Variants in PPP1R7 observed in about 807,000 individuals in gnomAD.
PPP1R7 encodes protein phosphatase 1 regulatory subunit 7.
A neutral mutation model predicts 45.2 loss-of-function variants in PPP1R7; 18 were observed. The ratio of observed to expected loss-of-function variants is 0.40; its 90% CI spans 0.28 to 0.59. The LOEUF (loss-of-function observed/expected upper bound fraction) is 0.59. PPP1R7 is among the 20% of genes least tolerant of loss of function. The probability of loss-of-function intolerance (pLI) is 0.46; values close to 1 mark genes in which losing one functional copy is unlikely to be tolerated. For missense variants in PPP1R7, 314 were observed against 455.8 expected (o/e 0.69, Z 2.83); for synonymous variants, 181 against 183.4 (o/e 0.99, Z 0.11).
chr2:241,183,063 A>G lies in PPP1R7; in HGVS notation c.*240A>G, dbSNP rs2068034449. ...GTTGACAGTTATTGTAGCCACAGAG[A>G]GAACATAAGACACGTTGCGTTCATT... On this transcript the variant is annotated 3_prime_UTR_variant, in exon 10 of 10. Coordinates refer to ENST00000234038, the MANE Select transcript of PPP1R7 (RefSeq NM_002712.3). The G allele has an allele frequency of 3.6e-6, 2 of 563,264 alleles. No individual in the cohort carries two copies. Among genetic ancestry groups the G allele is most frequent in the Admixed American group, 3.1e-5 (1 of 32,496 alleles). 34.9% of individuals were successfully genotyped at this position (563,264 alleles called of 1,614,324 possible). A position where few individuals can be genotyped will look rare whatever the true frequency, so the allele number is the denominator to read the frequency against.
At position 241,153,672 on chromosome 2, in the gene PPP1R7, G is replaced by A. The variant is rs1209837825; in HGVS notation, c.181+68G>A. 4 of 1,574,922 alleles carry A rather than the reference G, an allele frequency of 2.5e-6. No homozygotes were observed. The Admixed American group carries it at 5.2e-5, about 21-fold the overall frequency. ...ATGTGGGCTGTGCTGCACGTGGTCT[G>A]GCCCTGGGTGTGGGTGCTGTGTCGG... On this transcript the variant is annotated intron_variant, in intron 2 of 9. Transcript: ENST00000234038.
At chr2:241,154,285 T>G (rs577647204) in intron 2 of PPP1R7, among the ~76,000 whole-genome samples, 2 of 151,966 alleles carry the variant, frequency 1.3e-5, no homozygotes, top group South Asian at 4.2e-4. Flanking sequence ...TATGGCTGAC[T>G]GCTGTGTTTC....
chr2:241,158,940 C>G, intron 4 of PPP1R7: 1 of 451,714 alleles, frequency 2.2e-6, no homozygotes, highest in Non-Finnish European at 4.1e-6. Context: ...ACACCCCAGG[C>G]CAACGCCTCC....
intron 8 of PPP1R7, among the ~76,000 whole-genome samples, chr2:241,168,410 G>A (rs1025104215): frequency 2.0e-5 from 3 of 152,206 alleles, no homozygotes; most frequent in Admixed American, 6.5e-5. Flanking sequence ...ATGACCATGA[G>A]CATCTCAGAA....
upstream of PPP1R7, chr2:241,150,264 C>A: frequency 7.7e-7 from 1 of 1,292,714 alleles, no homozygotes; most frequent in Non-Finnish European, 9.8e-7. Context: ...CCCAGCTTCT[C>A]GCCTCCAGAC....
intron 8 of PPP1R7, among the ~76,000 whole-genome samples, chr2:241,166,803 C>G (rs913420258): frequency 6.6e-6 from 1 of 152,196 alleles, no homozygotes; most frequent in Admixed American, 6.5e-5. Flanking sequence ...CCAACCTGCT[C>G]GTAAAGGGCC....
chr2:241,167,867 T>C (rs554275046), intron 8 of PPP1R7, among the ~76,000 whole-genome samples: 1 of 152,352 alleles, frequency 6.6e-6, no homozygotes, highest in Non-Finnish European at 1.5e-5. Context: ...AAATATTTTC[T>C]CCTAAGTTTT....
upstream of PPP1R7, chr2:241,150,132 C>A: frequency 7.9e-7 from 1 of 1,265,260 alleles, no homozygotes; most frequent in Non-Finnish European, 1.0e-6. Context: ...CCTCCGAGGT[C>A]GAGACAGTGA....
At chr2:241,163,140 T>C in intron 6 of PPP1R7, 145 bp from the exon 7 acceptor site, 1 of 643,050 alleles carries the variant, frequency 1.6e-6, no homozygotes, top group Non-Finnish European at 2.8e-6. Flanking sequence ...AAGTAGGATT[T>C]CCACTGGAAG....
In PPP1R7 at chr2:241,162,464, G is replaced by A. The variant is rs2067615186; in HGVS notation, c.598-821G>A. 2.0e-5 allele frequency among the ~76,000 whole-genome samples: 3 copies of A among 152,126 alleles called. No individual in the cohort carries two copies. The South Asian group carries it at 6.2e-4, about 32-fold the overall frequency. On this transcript the variant is annotated intron_variant, in intron 6 of 9. Coordinates refer to ENST00000234038, the MANE Select transcript of PPP1R7 (RefSeq NM_002712.3). ...AAGTCACCATGGGGAGACCAGACAG[G>A]GCAGCGTGGTCACTGCCTCTGGAGG...
chr2:241,183,039 T>C lies in PPP1R7; in HGVS notation c.*216T>C. The C allele has an allele frequency of 3.4e-6, 2 of 587,010 alleles. No individual in the cohort carries two copies. The highest frequency in any genetic ancestry group is 6.0e-6 in the Non-Finnish European group (2 of 330,870). The allele number at this position is 587,010 out of a possible 1,614,324, so 36.4% of individuals were successfully genotyped here. ...GCCACACTGTCCTCCTGGGTGATTG[T>C]TGACAGTTATTGTAGCCACAGAGAG... is the stretch of plus-strand genomic sequence containing the variant. On this transcript the variant is annotated 3_prime_UTR_variant, in exon 10 of 10. Coordinates refer to ENST00000234038, the MANE Select transcript of PPP1R7 (RefSeq NM_002712.3).
intron 2 of PPP1R7, among the ~76,000 whole-genome samples, chr2:241,155,953 T>G (rs2067447686): frequency 6.6e-6 from 1 of 152,252 alleles, no homozygotes; most frequent in Non-Finnish European, 1.5e-5. Flanking sequence ...CAGTTGTGGA[T>G]AAACTATAGT....
chr2:241,159,437 G>A (rs2067535145), intron 5 of PPP1R7, 94 bp downstream of exon 5: 1 of 1,481,034 alleles, frequency 6.8e-7, no homozygotes, highest in African/African-American at 1.4e-5. Context: ...CTGGCTCTTA[G>A]CCCTTGAGAG....
At chr2:241,167,187 T>C (rs1465207792) in intron 8 of PPP1R7, 1 of 1,055,980 alleles carries the variant, frequency 9.5e-7, no homozygotes, top group African/African-American at 1.6e-5. Context: ...TTACTTGTTT[T>C]TTTCTGTTTT....
Position 241,182,729 on chromosome 2 carries a change from G to T in PPP1R7, c.989G>T (p.Arg330Leu), listed in dbSNP as rs1355438610. The T allele has an allele frequency of 3.1e-6, 5 of 1,614,164 alleles. No individual in the cohort carries two copies. Among genetic ancestry groups the T allele is most frequent in the Non-Finnish European group, 3.4e-6 (4 of 1,180,030 alleles). ...AGCCTGGAGACAGTGTACCTGGAGC[G>T]GAACCCCTTGCAGAAGGACCCCCAG... ...ARSLETVYLERNPLQKDPQYR... is the reference protein window; with the variant it reads ...ARSLETVYLELNPLQKDPQYR... The change falls in exon 10 of 10, where the codon CGG becomes CTG. Residue 330 changes from arginine (R) to leucine (L), a missense_variant. Arg to Leu is a moderately radical substitution (Grantham distance 102). Coordinates refer to ENST00000234038, the MANE Select transcript of PPP1R7 (RefSeq NM_002712.3).
chr2:241,161,684 T>C (rs886087449), intron 6 of PPP1R7, among the ~76,000 whole-genome samples: 2 of 152,246 alleles, frequency 1.3e-5, no homozygotes, highest in Admixed American at 1.3e-4. Context: ...GGATCAAGTC[T>C]TCACCAGCTG....
intron 8 of PPP1R7, chr2:241,167,067 G>A: frequency 6.2e-7 from 1 of 1,611,856 alleles, no homozygotes; most frequent in South Asian, 1.1e-5. Context: ...CTCACGTACT[G>A]AGGGGAAGTG....
intron 9 of PPP1R7, among the ~76,000 whole-genome samples, chr2:241,173,764 T>C (rs1430103149): frequency 6.6e-6 from 1 of 152,270 alleles, no homozygotes; most frequent in African/African-American, 2.4e-5. Flanking sequence ...TGGGCTTTCA[T>C]CTTGCTGTGC....
At position 241,179,360 on chromosome 2, in the gene PPP1R7, A is replaced by G. The variant is rs111404940; in HGVS notation, c.907-3287A>G. Among the ~76,000 whole-genome samples, 669 of 152,294 alleles carry G rather than the reference A, an allele frequency of 4.4e-3. 8 individuals carry two copies. Among genetic ancestry groups the G allele is most frequent in the African/African-American group, 0.015 (612 of 41,550 alleles). On this transcript the variant is annotated intron_variant, in intron 9 of 9. Coordinates refer to ENST00000234038, the MANE Select transcript of PPP1R7 (RefSeq NM_002712.3). Reference sequence around the variant, plus strand: ...AAAACTTAGCATCCCTAATTGTGGGACCACCTGAAGTGCTGTGTCCCCAGT... The same window carrying G: ...AAAACTTAGCATCCCTAATTGTGGGGCCACCTGAAGTGCTGTGTCCCCAGT...
Sources: allele counts gnomAD v4.1 joint callset (sites outside exome capture counted in the v4.1 genomes callset), GRCh38; gene constraint gnomAD v4.1.1; transcripts MANE v1.5; gene names NCBI Gene and HGNC (gene_info 2026-07-23, HGNC 2026-07-21).